B4GALT5: variants seen among roughly 807,000 people sequenced by gnomAD.
B4GALT5 encodes the protein beta-1,4-galactosyltransferase 5.
B4GALT5 carries 11 observed loss-of-function variants against 45.0 expected under a neutral mutation model. The observed-to-expected ratio is 0.24, with a 90% CI of 0.15 to 0.40. The LOEUF (loss-of-function observed/expected upper bound fraction) is 0.40, where lower values mean the gene tolerates loss of function less well. Ranked by LOEUF, B4GALT5 falls within the 10% of genes least tolerant of loss-of-function variation. B4GALT5 has a pLI of 1.00. For synonymous variants in B4GALT5, 185 were observed against 182.9 expected (o/e 1.01, Z -0.09); for missense variants, 337 against 500.2 (o/e 0.67, Z 3.11).
chr20:49,679,467 G>A (rs146981294), intron 1 of B4GALT5, among the ~76,000 whole-genome samples: 1 of 151,220 alleles, frequency 6.6e-6, no homozygotes, highest in East Asian at 1.9e-4. Context: ...AGAAGTTCGA[G>A]ACCAGCCTGG....
chr20:49,648,585 G>T (rs2085608505), intron 2 of B4GALT5, among the ~76,000 whole-genome samples: 1 of 152,136 alleles, frequency 6.6e-6, no homozygotes. Context: ...TTTATCAGTG[G>T]TTCTTCTGCT....
At chr20:49,644,724 T>C (rs1448187993) in intron 3 of B4GALT5, among the ~76,000 whole-genome samples, 3 of 152,198 alleles carry the variant, frequency 2.0e-5, no homozygotes, top group African/African-American at 7.2e-5. Context: ...AACCTATATA[T>C]GTGTGGTGAG....
At chr20:49,659,520 C>T (rs1037840321) in intron 1 of B4GALT5, among the ~76,000 whole-genome samples, 3 of 151,964 alleles carry the variant, frequency 2.0e-5, no homozygotes, top group African/African-American at 4.8e-5. Context: ...AATAAATTAA[C>T]GTAAACCACA....
intron 1 of B4GALT5, among the ~76,000 whole-genome samples, chr20:49,675,618 A>G (rs991107117): frequency 1.3e-5 from 2 of 152,122 alleles, no homozygotes; most frequent in African/African-American, 4.8e-5. Context: ...GTGCACAAGG[A>G]AACACCTGAA....
At chr20:49,686,449 A>G (rs1448085181) in intron 1 of B4GALT5, among the ~76,000 whole-genome samples, 1 of 152,186 alleles carries the variant, frequency 6.6e-6, no homozygotes, top group Non-Finnish European at 1.5e-5. Context: ...AGAAATCAAG[A>G]GTCTGTCTTC....
intron 1 of B4GALT5, among the ~76,000 whole-genome samples, chr20:49,703,860 G>A (rs2085873227): frequency 6.6e-6 from 1 of 150,460 alleles, no homozygotes; most frequent in East Asian, 1.9e-4. Context: ...CTGCACTCCA[G>A]CCTGGGCAAC....
chr20:49,642,061 T>C (rs1261331619), intron 5 of B4GALT5, among the ~76,000 whole-genome samples: 2 of 152,172 alleles, frequency 1.3e-5, no homozygotes, highest in East Asian at 1.9e-4. Flanking sequence ...TTAGAGAAGT[T>C]TGCAAATGTC....
chr20:49,651,576 G>A (rs769889559), intron 2 of B4GALT5, among the ~76,000 whole-genome samples: 56 of 151,532 alleles, frequency 3.7e-4, no homozygotes, highest in South Asian at 6.2e-4. Context: ...GCAACAGAGC[G>A]AGACTCCGTC....
chr20:49,646,923 C>T (rs2085601444), intron 3 of B4GALT5, 42 bp downstream of exon 3: 1 of 1,285,928 alleles, frequency 7.8e-7, no homozygotes. Flanking sequence ...TCCCCTTTAT[C>T]CATTTTAAAA....
intron 1 of B4GALT5, among the ~76,000 whole-genome samples, chr20:49,707,947 T>A (rs1297664341): frequency 6.8e-6 from 1 of 147,438 alleles, no homozygotes; most frequent in Non-Finnish European, 1.5e-5. Context: ...ATCTTAGGAA[T>A]GGCCGGGCAC....
At chr20:49,678,881 G>A (rs2085752139) in intron 1 of B4GALT5, among the ~76,000 whole-genome samples, 1 of 152,120 alleles carries the variant, frequency 6.6e-6, no homozygotes, top group Non-Finnish European at 1.5e-5. Context: ...TGTTAGTGCT[G>A]TTACTGGTAA....
At chr20:49,654,469 T>A (rs946866150) in intron 2 of B4GALT5, among the ~76,000 whole-genome samples, 1 of 152,256 alleles carries the variant, frequency 6.6e-6, no homozygotes, top group Non-Finnish European at 1.5e-5. Flanking sequence ...CTCTGAAATG[T>A]CATTCACTTG....
At chr20:49,679,017 G>A (rs918038546) in intron 1 of B4GALT5, among the ~76,000 whole-genome samples, 3 of 152,140 alleles carry the variant, frequency 2.0e-5, no homozygotes, top group African/African-American at 7.2e-5. Flanking sequence ...GGGGTGGGGA[G>A]GGTAACATAA....
Position 49,639,742 on chromosome 20 carries a change from T to G in B4GALT5, c.853A>C (p.Lys285Gln). 6.2e-7 allele frequency: 1 copy of G among 1,613,816 alleles called. No homozygotes were observed. ...VSGLTVEQFR[K>Q]INGFPNAFWG... ...AAAGCATTAGGAAAGCCATTGATTT[T>G]CCGAAATTGTTCCACTGTTAAGCCA... Residue 285 changes from lysine (K) to glutamine (Q), a missense_variant, in exon 7 of 9, where the codon AAA becomes CAA. This residue lies in a region of B4GALT5 where 163 missense variants were observed against 292.8 expected (regional missense o/e 0.56). Transcript: ENST00000371711.
intron 1 of B4GALT5, among the ~76,000 whole-genome samples, chr20:49,680,952 T>C (rs567551290): frequency 6.6e-6 from 1 of 152,152 alleles, no homozygotes; most frequent in Admixed American, 6.5e-5. Context: ...AAACTAGAAT[T>C]ATAATTTAAT....
At chr20:49,658,332 G>A (rs1769244883) in intron 1 of B4GALT5, among the ~76,000 whole-genome samples, 1 of 152,168 alleles carries the variant, frequency 6.6e-6, no homozygotes, top group Admixed American at 6.5e-5. Context: ...ACAAATACTT[G>A]TTAAACCTAA....
chr20:49,689,186 C>T (rs968437980), intron 1 of B4GALT5, among the ~76,000 whole-genome samples: 3 of 151,922 alleles, frequency 2.0e-5, no homozygotes, highest in African/African-American at 7.3e-5. Flanking sequence ...ACCTCTTTGA[C>T]AATTATACAG....
chr20:49,713,494 G>T, intron 1 of B4GALT5, 82 bp downstream of exon 1: 1 of 1,402,906 alleles, frequency 7.1e-7, no homozygotes, highest in Non-Finnish European at 9.7e-7. Context: ...TCCCGGCCGG[G>T]GCCCCTTAGG....
intron 2 of B4GALT5, among the ~76,000 whole-genome samples, chr20:49,649,848 C>T (rs552259253): frequency 1.3e-5 from 2 of 152,268 alleles, no homozygotes; most frequent in South Asian, 4.2e-4. Flanking sequence ...GTGATACGCC[C>T]ATGTGTGGCA....
Sources: allele counts gnomAD v4.1 joint callset (sites outside exome capture counted in the v4.1 genomes callset), GRCh38; gene constraint gnomAD v4.1.1; regional missense constraint gnomAD v4.1.1; transcripts MANE v1.5; gene names NCBI Gene and HGNC (gene_info 2026-07-23, HGNC 2026-07-21).